GUCY1A2: variants seen among roughly 807,000 people sequenced by gnomAD.
GUCY1A2 encodes guanylate cyclase 1 soluble subunit alpha 2, also known as guanylate cyclase soluble subunit alpha-2.
In GUCY1A2, 27 loss-of-function variants were observed where a neutral mutation model predicts 63.5. That is an observed-to-expected ratio of 0.43 (90% CI 0.31 to 0.59). The LOEUF (loss-of-function observed/expected upper bound fraction) is 0.59. Ranked by LOEUF, GUCY1A2 falls within the 20% of genes least tolerant of loss-of-function variation. The pLI, the probability that GUCY1A2 is intolerant of heterozygous loss-of-function variation, is 0.11. For synonymous variants in GUCY1A2, 364 were observed against 343.5 expected (o/e 1.06, Z -0.66); for missense variants, 768 against 913.3 (o/e 0.84, Z 2.05).
At chr11:106,970,863 T>C (rs1161387112) in intron 3 of GUCY1A2, among the ~76,000 whole-genome samples, 2 of 149,206 alleles carry the variant, frequency 1.3e-5, no homozygotes, top group Non-Finnish European at 1.5e-5. Flanking sequence ...GTGGTACATG[T>C]TAAATGGAAT....
chr11:106,924,245 T>G (rs1860489004), intron 4 of GUCY1A2, among the ~76,000 whole-genome samples: 1 of 152,224 alleles, frequency 6.6e-6, no homozygotes, highest in East Asian at 1.9e-4. Context: ...TTAATTCAGC[T>G]TATCTCAAAG....
rs982529056 is a variant in GUCY1A2 at position 106,870,695 on chromosome 11, T to G, written c.1207-60217A>C. 2.0e-5 allele frequency among the ~76,000 whole-genome samples: 3 copies of G among 152,114 alleles called. No homozygotes were observed. The East Asian group carries it at 5.8e-4, about 29-fold the overall frequency. On this transcript the variant is annotated intron_variant, in intron 4 of 7. Coordinates refer to ENST00000526355, the MANE Select transcript of GUCY1A2 (RefSeq NM_000855.3). ...GCTCTGGATAACTTTTCCAGCCTTC[T>G]CTCTTCCCTGCCACTGACTGTACTG...
intron 6 of GUCY1A2, among the ~76,000 whole-genome samples, chr11:106,761,136 A>T (rs2135391801): frequency 1.3e-5 from 2 of 152,314 alleles, no homozygotes; most frequent in Middle Eastern, 3.4e-3. Context: ...TATCTTCTTC[A>T]TTAGCTTCCC....
chr11:106,764,841 A>G (rs1208351918), intron 6 of GUCY1A2, among the ~76,000 whole-genome samples: 1 of 151,990 alleles, frequency 6.6e-6, no homozygotes, highest in East Asian at 1.9e-4. Context: ...CCAAACAGAT[A>G]TATCTGGATT....
chr11:106,799,349 C>G (rs889179261), intron 5 of GUCY1A2, among the ~76,000 whole-genome samples: 6 of 152,132 alleles, frequency 3.9e-5, no homozygotes, highest in Non-Finnish European at 7.4e-5. Flanking sequence ...TCAATGCCAT[C>G]CCCATCAAGC....
intron 3 of GUCY1A2, among the ~76,000 whole-genome samples, chr11:106,943,348 T>C (rs892095316): frequency 6.6e-6 from 1 of 152,190 alleles, no homozygotes; most frequent in Admixed American, 6.6e-5. Flanking sequence ...CAGCTTGACA[T>C]CTGGGTCTAT....
At chr11:106,861,349 C>T (rs77197915) in intron 4 of GUCY1A2, among the ~76,000 whole-genome samples, 1,990 of 152,102 alleles carry the variant, frequency 0.013, 43 homozygotes, top group African/African-American at 0.045. Context: ...TGTGTGCTGT[C>T]TACATGCACG....
At chr11:106,957,657 A>C (rs1861004879) in intron 3 of GUCY1A2, among the ~76,000 whole-genome samples, 1 of 151,616 alleles carries the variant, frequency 6.6e-6, no homozygotes, top group African/African-American at 2.4e-5. Context: ...TTGGTTGCTG[A>C]TGAAGGATTC....
rs541926948 is a variant in GUCY1A2, at chr11:106,827,897, G to C, written c.1207-17419C>G. On this transcript the variant is annotated intron_variant, in intron 4 of 7. Coordinates refer to ENST00000526355, the MANE Select transcript of GUCY1A2 (RefSeq NM_000855.3). The stretch of plus-strand genomic sequence containing the variant: ...GAGGGCGCGCTGCCTTCATGCTGCC[G>C]GACTCCCAGTGGTTTACTGAATATC... 2.2e-4 allele frequency: 334 copies of C among 1,511,486 alleles called. 6 individuals carry two copies. The South Asian group carries it at 2.8e-3, about 13-fold the overall frequency. 93.6% of individuals were successfully genotyped at this position (1,511,486 alleles called of 1,614,324 possible). A position where few individuals can be genotyped will look rare whatever the true frequency, so the allele number is the denominator to read the frequency against.
intron 1 of GUCY1A2, among the ~76,000 whole-genome samples, chr11:106,987,131 G>C (rs1053735531): frequency 1.3e-5 from 2 of 152,086 alleles, no homozygotes; most frequent in African/African-American, 2.4e-5. Flanking sequence ...AGCACTCAAG[G>C]CCTCATCAAA....
In GUCY1A2 at chr11:107,017,805, C is replaced by G; in HGVS notation, c.251G>C (p.Arg84Pro). The G allele has an allele frequency of 7.1e-7, 1 of 1,415,986 alleles. No individual in the cohort carries two copies. The highest frequency in any genetic ancestry group is 1.5e-5 in the African/African-American group (1 of 67,762). The allele number at this position is 1,415,986 out of a possible 1,614,324, so 87.7% of individuals were successfully genotyped here. ...AGARRVQRRR[R>P]VNLDSLGESI... is the part of the protein sequence containing the mutation. ...CTCGCCCAGCGAGTCCAGGTTGACC[C>G]GCCTCCGGCGCTGCACCCTCCTGGC... Residue 84 changes from arginine (R) to proline (P), a missense_variant, in exon 1 of 8, where the codon CGG becomes CCG. Coordinates refer to ENST00000526355, the MANE Select transcript of GUCY1A2 (RefSeq NM_000855.3).
intron 1 of GUCY1A2, among the ~76,000 whole-genome samples, chr11:106,995,064 G>A (rs915929503): frequency 6.6e-6 from 1 of 152,136 alleles, no homozygotes; most frequent in African/African-American, 2.4e-5. Context: ...ATGGATCATG[G>A]TATAGCAAAA....
intron 6 of GUCY1A2, among the ~76,000 whole-genome samples, chr11:106,721,777 C>T (rs1385963486): frequency 6.6e-6 from 1 of 152,166 alleles, no homozygotes; most frequent in Non-Finnish European, 1.5e-5. Context: ...ATGAACAAAA[C>T]TGTAATTAAG....
At chr11:106,799,942 G>A (rs1864840242) in intron 5 of GUCY1A2, among the ~76,000 whole-genome samples, 1 of 152,292 alleles carries the variant, frequency 6.6e-6, no homozygotes, top group Admixed American at 6.5e-5. Flanking sequence ...ACCACCATCA[G>A]AGTGAACAGG....
At chr11:106,827,535 C>A in intron 4 of GUCY1A2, 3 of 1,475,456 alleles carry the variant, frequency 2.0e-6, no homozygotes, top group Non-Finnish European at 1.9e-6. Context: ...CTTCACATAT[C>A]AACTTTGGTT....
At chr11:106,933,613 T>G (rs113974294) in intron 4 of GUCY1A2, among the ~76,000 whole-genome samples, 36 of 152,186 alleles carry the variant, frequency 2.4e-4, no homozygotes, top group African/African-American at 8.4e-4. Context: ...CAAAAGAAAA[T>G]AAATCATTCT....
At chr11:106,827,205 A>G (rs576428990) in intron 4 of GUCY1A2, 3 of 1,517,654 alleles carry the variant, frequency 2.0e-6, no homozygotes, top group African/African-American at 2.7e-5. Context: ...CACTGCCTAC[A>G]TTATCTGATT....
At chr11:106,906,814 T>C (rs4600177) in intron 4 of GUCY1A2, among the ~76,000 whole-genome samples, 110,772 of 151,900 alleles carry the variant, frequency 0.73, 40,942 homozygotes, top group East Asian at 0.86. Context: ...AAACCAGCAT[T>C]CTCAGCAAAC....
At chr11:107,017,721 GA>G in intron 1 of GUCY1A2, 31 bp downstream of exon 1, 1 of 1,284,844 alleles carries the variant, frequency 7.8e-7, no homozygotes, top group Non-Finnish European at 1.0e-6. Context: ...TCTCTCCCCC[GA>G]AGGCGGTCCC....
Sources: allele counts gnomAD v4.1 joint callset (sites outside exome capture counted in the v4.1 genomes callset), GRCh38; gene constraint gnomAD v4.1.1; transcripts MANE v1.5; gene names NCBI Gene and HGNC (gene_info 2026-07-23, HGNC 2026-07-21).